Variants in SPMIP2 observed in about 807,000 individuals in gnomAD.
The protein encoded by SPMIP2 is sperm microtubule inner protein 2.
chr4:159,069,691 A>T, the SPMIP2 span, among the ~76,000 whole-genome samples: 1 of 152,050 alleles, frequency 6.6e-6, no homozygotes, highest in Non-Finnish European at 1.5e-5. Flanking sequence ...ACATACCTTG[A>T]TGCAATATTA....
At chr4:158,981,183 C>A in the SPMIP2 span, among the ~76,000 whole-genome samples, 1 of 152,114 alleles carries the variant, frequency 6.6e-6, no homozygotes, top group Non-Finnish European at 1.5e-5. Flanking sequence ...AGGAACAAAG[C>A]CTCCAAGAAA....
the SPMIP2 span, among the ~76,000 whole-genome samples, chr4:159,022,186 C>CCCAAATTTATGTAA: frequency 6.6e-6 from 1 of 152,106 alleles, no homozygotes; most frequent in Non-Finnish European, 1.5e-5. Flanking sequence ...ATTTATGTAA[C>CCCAAATTTATGTAA]CCAAATGCTA....
chr4:158,915,498 G>T, the SPMIP2 span: 1 of 733,382 alleles, frequency 1.4e-6, no homozygotes, highest in Non-Finnish European at 2.2e-6. Context: ...CTGAAGACCT[G>T]ACCCATCCTG....
At chr4:158,932,733 A>T in the SPMIP2 span, among the ~76,000 whole-genome samples, 1 of 152,188 alleles carries the variant, frequency 6.6e-6, no homozygotes, top group East Asian at 1.9e-4. Flanking sequence ...CAAAAATGAC[A>T]TTTCTTTGGG....
the SPMIP2 span, among the ~76,000 whole-genome samples, chr4:158,931,904 C>A: frequency 1.3e-5 from 2 of 151,632 alleles, no homozygotes; most frequent in Non-Finnish European, 2.9e-5. Context: ...TTTATTGATA[C>A]CCTCTGCTTG....
the SPMIP2 span, among the ~76,000 whole-genome samples, chr4:159,074,039 G>A: frequency 3.9e-5 from 6 of 151,966 alleles, no homozygotes; most frequent in Non-Finnish European, 8.8e-5. Flanking sequence ...TTCCAGTGGA[G>A]GCTTTCTGAA....
At chr4:159,078,185 A>G in the SPMIP2 span, among the ~76,000 whole-genome samples, 1 of 152,222 alleles carries the variant, frequency 6.6e-6, no homozygotes, top group African/African-American at 2.4e-5. Context: ...TTTGTTAAAG[A>G]AAGTTTTCAG....
chr4:158,976,659 A>ATTTTTTTTTTTT, the SPMIP2 span, among the ~76,000 whole-genome samples: 4 of 94,732 alleles, frequency 4.2e-5, no homozygotes, highest in Admixed American at 1.4e-4. Flanking sequence ...ATGGATAAGC[A>ATTTTTTTTTTTT]TTTTTTTTTT....
chr4:158,956,903 A>T, the SPMIP2 span, among the ~76,000 whole-genome samples: 1 of 152,076 alleles, frequency 6.6e-6, no homozygotes, highest in African/African-American at 2.4e-5. Context: ...TAAAAATGAA[A>T]TCGTCTCCTG....
chr4:159,034,726 T>A, the SPMIP2 span, among the ~76,000 whole-genome samples: 3 of 152,194 alleles, frequency 2.0e-5, no homozygotes, highest in African/African-American at 7.2e-5. Flanking sequence ...CCCTCATCTT[T>A]ACAAAAATAC....
chr4:159,047,989 C>T, the SPMIP2 span, among the ~76,000 whole-genome samples: 1 of 152,184 alleles, frequency 6.6e-6, no homozygotes, highest in Non-Finnish European at 1.5e-5. Flanking sequence ...GCTCCTGCTC[C>T]CAGTCTTTAG....
chr4:159,058,941 G>T, the SPMIP2 span, among the ~76,000 whole-genome samples: 1 of 119,852 alleles, frequency 8.3e-6, no homozygotes. Flanking sequence ...TTAATTTTAG[G>T]ATAACTATTA....
chr4:158,995,855 CAAAAAAA>C, the SPMIP2 span, among the ~76,000 whole-genome samples: 363 of 70,794 alleles, frequency 5.1e-3, 1 homozygote, highest in African/African-American at 0.017. Context: ...GACTCCATCT[CAAAAAAA>C]AAAAAAAAAA....
the SPMIP2 span, among the ~76,000 whole-genome samples, chr4:158,977,600 C>CTTTTTTTTTTTTTTTT: frequency 1.5e-3 from 107 of 72,400 alleles, 15 homozygotes; most frequent in East Asian, 2.4e-3. Context: ...TCCTTCAGTT[C>CTTTTTTTTTTTTTTTT]TTTTTTTTTT....
the SPMIP2 span, among the ~76,000 whole-genome samples, chr4:159,052,949 A>ATTT: frequency 4.1e-5 from 4 of 97,778 alleles, no homozygotes; most frequent in African/African-American, 1.5e-4. Context: ...TATTATTATT[A>ATTT]TTATTATTTT....
At chr4:159,062,757 C>T in the SPMIP2 span, among the ~76,000 whole-genome samples, 1 of 148,152 alleles carries the variant, frequency 6.7e-6, no homozygotes, top group Non-Finnish European at 1.5e-5. Context: ...GGCACGATCT[C>T]AACTCACTAC....
the SPMIP2 span, among the ~76,000 whole-genome samples, chr4:159,068,173 G>A: frequency 2.0e-5 from 3 of 152,122 alleles, no homozygotes; most frequent in African/African-American, 7.2e-5. Flanking sequence ...TATACCCAAA[G>A]GATTATAAAT....
chr4:159,073,907 G>A, the SPMIP2 span, among the ~76,000 whole-genome samples: 528 of 152,258 alleles, frequency 3.5e-3, 1 homozygote, highest in Middle Eastern at 0.01. Flanking sequence ...GGGGGGCTAA[G>A]GCAGGAGAAC....
At chr4:159,071,984 A>G in the SPMIP2 span, among the ~76,000 whole-genome samples, 1 of 152,238 alleles carries the variant, frequency 6.6e-6, no homozygotes, top group South Asian at 2.1e-4. Flanking sequence ...TCTAAGTTCC[A>G]AATGAATTCA....
Sources: gnomAD v4.1 joint callset for allele counts (sites outside exome capture counted in the v4.1 genomes callset) on GRCh38, gnomAD v4.1.1 for gene constraint, MANE v1.5 for transcripts, NCBI Gene and HGNC (gene_info 2026-07-23, HGNC 2026-07-21) for gene names.